The following RABGAP1L variants were observed in gnomAD, a reference collection of about 807,000 sequenced individuals.
RABGAP1L encodes the protein RAB GTPase activating protein 1 like.
Under a neutral mutation model 137.7 loss-of-function variants are expected in RABGAP1L, and 63 were observed. The ratio of observed to expected loss-of-function variants is 0.46; its 90% CI spans 0.37 to 0.56. The LOEUF (loss-of-function observed/expected upper bound fraction) is 0.56, where lower values mean the gene tolerates loss of function less well. RABGAP1L is among the 20% of genes least tolerant of loss of function. The pLI, the probability that RABGAP1L is intolerant of heterozygous loss-of-function variation, is 0.00. For synonymous variants in RABGAP1L, 431 were observed against 433.7 expected (o/e 0.99, Z 0.08); for missense variants, 1,095 against 1,244.0 (o/e 0.88, Z 1.80).
intron 13 of RABGAP1L, among the ~76,000 whole-genome samples, chr1:174,597,970 CTTG>C (rs1341282032): frequency 1.3e-5 from 2 of 152,126 alleles, no homozygotes; most frequent in Non-Finnish European, 2.9e-5. Flanking sequence ...CAACATTCCT[CTTG>C]TTGTTGATTT....
At chr1:174,618,443 A>T (rs1672116564) in intron 13 of RABGAP1L, among the ~76,000 whole-genome samples, 1 of 152,168 alleles carries the variant, frequency 6.6e-6, no homozygotes, top group Non-Finnish European at 1.5e-5. Context: ...CTGAGACAAA[A>T]CTTCCAGAGG....
At chr1:174,263,400 A>G (rs1386549309) in intron 7 of RABGAP1L, among the ~76,000 whole-genome samples, 2 of 152,220 alleles carry the variant, frequency 1.3e-5, no homozygotes, top group Non-Finnish European at 2.9e-5. Flanking sequence ...TTACTCTACT[A>G]TGACAGTTAA....
chr1:174,245,858 A>C (rs1443433870), intron 5 of RABGAP1L: 2 of 151,416 alleles, frequency 1.3e-5, no homozygotes, highest in African/African-American at 4.9e-5. Context: ...CTGGTCTTGA[A>C]CTCTTGACCT....
At chr1:174,225,872 C>G (rs1467036599) in intron 3 of RABGAP1L, among the ~76,000 whole-genome samples, 1 of 151,996 alleles carries the variant, frequency 6.6e-6, no homozygotes, top group Non-Finnish European at 1.5e-5. Context: ...TAGAGTTTTT[C>G]TTTTCCATTT....
At chr1:174,925,890 T>G (rs12354225) in intron 19 of RABGAP1L, among the ~76,000 whole-genome samples, 29 of 88,752 alleles carry the variant, frequency 3.3e-4, no homozygotes, top group East Asian at 2.7e-3. Context: ...TTTTTTTGTG[T>G]TTTTTTTTTT....
At chr1:174,230,698 T>G (rs1365619173) in intron 3 of RABGAP1L, among the ~76,000 whole-genome samples, 1 of 152,180 alleles carries the variant, frequency 6.6e-6, no homozygotes, top group Non-Finnish European at 1.5e-5. Flanking sequence ...CACAGGGTTG[T>G]GAATTTACAG....
At chr1:174,795,560 C>G (rs1233879796) in intron 18 of RABGAP1L, among the ~76,000 whole-genome samples, 3 of 152,082 alleles carry the variant, frequency 2.0e-5, no homozygotes, top group Non-Finnish European at 4.4e-5. Flanking sequence ...TAATAAACCC[C>G]AAGTCCCAAG....
At chr1:174,905,848 C>G (rs969411357) in intron 19 of RABGAP1L, among the ~76,000 whole-genome samples, 1 of 148,618 alleles carries the variant, frequency 6.7e-6, no homozygotes, top group African/African-American at 2.5e-5. Context: ...GAGACTCTGT[C>G]TAAAAAAAGA....
intron 1 of RABGAP1L, among the ~76,000 whole-genome samples, chr1:174,208,860 T>A (rs1189538599): frequency 6.6e-6 from 1 of 152,158 alleles, no homozygotes; most frequent in Non-Finnish European, 1.5e-5. Context: ...TTGGTGGAGT[T>A]TACCAGTGAA....
At chr1:174,375,403 A>G (rs1021433573) in intron 12 of RABGAP1L, among the ~76,000 whole-genome samples, 1 of 152,002 alleles carries the variant, frequency 6.6e-6, no homozygotes, top group Non-Finnish European at 1.5e-5. Context: ...ACTTCAGAAA[A>G]TCAGTCAAAC....
chr1:174,533,111 G>GT (rs1558314813), intron 13 of RABGAP1L, among the ~76,000 whole-genome samples: 1 of 152,198 alleles, frequency 6.6e-6, no homozygotes, highest in African/African-American at 2.4e-5. Flanking sequence ...GGGCACTCTT[G>GT]TAATCCCACC....
chr1:174,541,297 G>C (rs1665403354), intron 13 of RABGAP1L, among the ~76,000 whole-genome samples: 1 of 152,112 alleles, frequency 6.6e-6, no homozygotes, highest in African/African-American at 2.4e-5. Context: ...TCTCCTGCCT[G>C]ACTGCCCTGG....
At chr1:174,583,857 AATCTT>A (rs1572400456) in intron 13 of RABGAP1L, among the ~76,000 whole-genome samples, 1 of 152,220 alleles carries the variant, frequency 6.6e-6, no homozygotes, top group African/African-American at 2.4e-5. Context: ...GATAATATCT[AATCTT>A]AAAACAATTT....
intron 19 of RABGAP1L, among the ~76,000 whole-genome samples, chr1:174,938,095 A>G (rs920197285): frequency 7.0e-6 from 1 of 142,482 alleles, no homozygotes; most frequent in Non-Finnish European, 1.6e-5. Context: ...TTACATATGT[A>G]TTCCAAAGCC....
intron 1 of RABGAP1L, among the ~76,000 whole-genome samples, chr1:174,214,921 G>C (rs1041283386): frequency 6.6e-6 from 1 of 152,138 alleles, no homozygotes; most frequent in African/African-American, 2.4e-5. Flanking sequence ...CAGGACGTTG[G>C]ACTGGGCAAA....
chr1:174,511,628 T>G (rs1343146681), intron 13 of RABGAP1L, among the ~76,000 whole-genome samples: 1 of 149,800 alleles, frequency 6.7e-6, no homozygotes, highest in African/African-American at 2.4e-5. Context: ...TTTCTTTTGT[T>G]TTTTTTTTTT....
intron 13 of RABGAP1L, among the ~76,000 whole-genome samples, chr1:174,492,394 G>A (rs1286904949): frequency 6.8e-6 from 1 of 147,874 alleles, no homozygotes; most frequent in African/African-American, 2.6e-5. Flanking sequence ...TGTCGCCCAG[G>A]CTGGAGTGCA....
intron 13 of RABGAP1L, among the ~76,000 whole-genome samples, chr1:174,447,462 G>T (rs1654891724): frequency 6.7e-6 from 1 of 150,340 alleles, no homozygotes; most frequent in South Asian, 2.2e-4. Context: ...TTATAAATTT[G>T]ACCCCCCAAC....
chr1:174,463,610 A>G lies in RABGAP1L; in HGVS notation c.1710+69465A>G, dbSNP rs186978841. Among the ~76,000 whole-genome samples the G allele has an allele frequency of 5.3e-3, 807 of 152,226 alleles. 10 individuals are homozygous for G. The highest frequency in any genetic ancestry group is 0.018 in the African/African-American group (762 of 41,524). On this transcript the variant is annotated intron_variant, in intron 13 of 25. Transcript: ENST00000681986. ...ACACCAACATGGCACATGTATACATATGTAACTAACCTGTACATTGTGCAC... is the reference window on the plus strand; with the variant it reads ...ACACCAACATGGCACATGTATACATGTGTAACTAACCTGTACATTGTGCAC...
Sources: gnomAD v4.1 joint callset for allele counts (sites outside exome capture counted in the v4.1 genomes callset) on GRCh38, gnomAD v4.1.1 for gene constraint, MANE v1.5 for transcripts, NCBI Gene and HGNC (gene_info 2026-07-23, HGNC 2026-07-21) for gene names.